The following ANGPTL3 variants were observed in gnomAD, a reference collection of about 807,000 sequenced individuals.
ANGPTL3 encodes the protein angiopoietin-related protein 3.
A neutral mutation model predicts 52.7 loss-of-function variants in ANGPTL3; 51 were observed. The ratio of observed to expected loss-of-function variants is 0.97; its 90% CI spans 0.77 to 1.22. The LOEUF is 1.22. Among genes scored for constraint, ANGPTL3 ranks in the 50% most tolerant of loss-of-function variants. The pLI is 0.00. For missense variants in ANGPTL3, 506 were observed against 520.7 expected (o/e 0.97, Z 0.27); for synonymous variants, 185 against 179.8 (o/e 1.03, Z -0.23).
At position 62,605,804 on chromosome 1, in the gene ANGPTL3, T is replaced by C. The variant is rs1349878930; in HGVS notation, c.*987T>C. 6.6e-6 allele frequency: 1 copy of C among 152,160 alleles called. No homozygotes were observed. The highest frequency in any genetic ancestry group is 2.4e-5 in the African/African-American group (1 of 41,440). 9.4% of individuals were successfully genotyped at this position (152,160 alleles called of 1,614,324 possible). A position where few individuals can be genotyped will look rare whatever the true frequency, so the allele number is the denominator to read the frequency against. ...CCCTAAATTATAGAAATTTAAATTA[T>C]TCTTGCATGTTTATCGACATCACAA... On this transcript the variant is annotated 3_prime_UTR_variant, in exon 7 of 7. Coordinates refer to ENST00000371129, the MANE Select transcript of ANGPTL3 (RefSeq NM_014495.4).
chr1:62,601,137 G>C lies in ANGPTL3; in HGVS notation c.662G>C (p.Arg221Thr). The C allele has an allele frequency of 6.2e-7, 1 of 1,610,958 alleles. No homozygotes were observed. The highest frequency in any genetic ancestry group is 1.1e-5 in the South Asian group (1 of 90,982). ...GAAATTTCTCTATCTTCCAAGCCAA[G>C]AGCACCAAGAACTACTCCCTTTCTT... ...PTEISLSSKP[R>T]APRTTPFLQL... Residue 221 changes from arginine to threonine, a missense_variant, in exon 3 of 7, where the codon AGA becomes ACA. Arg to Thr is a moderately conservative substitution (Grantham distance 71). Coordinates refer to ENST00000371129, the MANE Select transcript of ANGPTL3 (RefSeq NM_014495.4).
At chr1:62,602,188 C>T (rs1650222831) in intron 4 of ANGPTL3, 97 bp from the exon 5 acceptor site, 2 of 1,007,840 alleles carry the variant, frequency 2.0e-6, no homozygotes, top group Non-Finnish European at 3.1e-6. Flanking sequence ...AACTACCTTA[C>T]AAAACCACCA....
chr1:62,601,060 C>T, intron 2 of ANGPTL3, 22 bp from the exon 3 acceptor site: 1 of 1,397,166 alleles, frequency 7.2e-7, no homozygotes, highest in Non-Finnish European at 1.0e-6. Context: ...TTTTAAAAAA[C>T]AGATTTATAT....
intron 2 of ANGPTL3, among the ~76,000 whole-genome samples, chr1:62,600,190 A>G (rs1649904893): frequency 6.6e-6 from 1 of 151,878 alleles, no homozygotes. Context: ...ATAGTAATAT[A>G]CATTGTGTCT....
intron 2 of ANGPTL3, among the ~76,000 whole-genome samples, chr1:62,599,064 A>G (rs1160319271): frequency 2.0e-5 from 3 of 152,050 alleles, no homozygotes; most frequent in African/African-American, 7.2e-5. Flanking sequence ...TAATAACAGA[A>G]CTTATAGGAT....
intron 6 of ANGPTL3, 29 bp from the exon 7 acceptor site, chr1:62,604,604 C>G: frequency 6.2e-7 from 1 of 1,600,952 alleles, no homozygotes. Context: ...GAGTCTGTAC[C>G]CATTAAATTG....
chr1:62,604,495 A>G, intron 6 of ANGPTL3, 138 bp from the exon 7 acceptor site: 1 of 989,530 alleles, frequency 1.0e-6, no homozygotes, highest in Non-Finnish European at 1.5e-6. Flanking sequence ...GGACTTATAC[A>G]GATTATTTAA....
intron 5 of ANGPTL3, 142 bp downstream of exon 5, chr1:62,602,522 A>G (rs537751506): frequency 1.4e-6 from 1 of 708,228 alleles, no homozygotes; most frequent in Admixed American, 2.1e-5. Flanking sequence ...TCAAACAATT[A>G]CACATTTGTT....
In ANGPTL3 at chr1:62,604,231, T is replaced by C; in HGVS notation, c.1194T>C (p.Tyr398=). Residue 398 remains tyrosine, a synonymous_variant, in exon 6 of 7, where the codon TAT becomes TAC. Transcript: ENST00000371129. ...GACACTTCAACTGTCCAGAGGGTTATTCAGGTATCTTTTTCTGATACCAAT... is the reference window on the plus strand; with the variant it reads ...GACACTTCAACTGTCCAGAGGGTTACTCAGGTATCTTTTTCTGATACCAAT... ...AKGHFNCPEG[Y]SGGWWWHDEC... is the part of the protein sequence containing the mutation. 1 of 1,613,132 alleles carries C rather than the reference T, an allele frequency of 6.2e-7. No homozygotes were observed. The highest frequency in any genetic ancestry group is 8.5e-7 in the Non-Finnish European group (1 of 1,179,260).
intron 2 of ANGPTL3, among the ~76,000 whole-genome samples, 174 bp downstream of exon 2, chr1:62,598,980 CT>C (rs1051566287): frequency 1.3e-5 from 2 of 152,052 alleles, no homozygotes; most frequent in African/African-American, 4.8e-5. Flanking sequence ...AACCATGGCT[CT>C]AAAACTTTGT....
At position 62,605,804 on chromosome 1, in the gene ANGPTL3, T is replaced by G. The variant is rs1349878930; in HGVS notation, c.*987T>G. 2 of 152,160 alleles carry G rather than the reference T, an allele frequency of 1.3e-5. No individual in the cohort carries two copies. The highest frequency in any genetic ancestry group is 2.9e-5 in the Non-Finnish European group (2 of 67,910). The allele number at this position is 152,160 out of a possible 1,614,324, so 9.4% of individuals were successfully genotyped here. On this transcript the variant is annotated 3_prime_UTR_variant, in exon 7 of 7. Coordinates refer to ENST00000371129, the MANE Select transcript of ANGPTL3 (RefSeq NM_014495.4). ...CCCTAAATTATAGAAATTTAAATTA[T>G]TCTTGCATGTTTATCGACATCACAA...
At chr1:62,603,750 T>C (rs1156814624) in intron 5 of ANGPTL3, among the ~76,000 whole-genome samples, 1 of 151,890 alleles carries the variant, frequency 6.6e-6, no homozygotes. Context: ...GAAAGGATAA[T>C]CAGACTTTCA....
rs556074585 is a variant in ANGPTL3, at chr1:62,603,630, T to C, written c.932-339T>C. ...TTAATAAATAGCTGACAGTAAAGTTTATCCATATAAAGACTTGCAAATATT... is the reference window on the plus strand; with the variant it reads ...TTAATAAATAGCTGACAGTAAAGTTCATCCATATAAAGACTTGCAAATATT... On this transcript the variant is annotated intron_variant, in intron 5 of 6. Coordinates refer to ENST00000371129, the MANE Select transcript of ANGPTL3 (RefSeq NM_014495.4). Among the ~76,000 whole-genome samples the C allele has an allele frequency of 2.0e-5, 3 of 151,886 alleles. No homozygotes were observed. The South Asian group carries it at 6.2e-4, about 31-fold the overall frequency.
At chr1:62,598,095 T>A in intron 1 of ANGPTL3, 34 bp downstream of exon 1, 1 of 1,527,256 alleles carries the variant, frequency 6.5e-7, no homozygotes, top group Non-Finnish European at 8.8e-7. Flanking sequence ...CATGTTTATG[T>A]TTTCAATGTG....
chr1:62,601,107 C>CCA lies in ANGPTL3; in HGVS notation c.635_636dup (p.Glu213GlnfsTer20). 1 of 1,607,114 alleles carries CCA rather than the reference C, an allele frequency of 6.2e-7. No homozygotes were observed. Among genetic ancestry groups the CCA allele is most frequent in the Non-Finnish European group, 8.5e-7 (1 of 1,174,314 alleles). On this transcript the variant is annotated frameshift_variant, in exon 3 of 7. Transcript: ENST00000371129. LOFTEE classifies it high-confidence loss of function. ...CTCAGAAGGACTAGTATTCAAGAAC[C>CCA]CACAGAAATTTCTCTATCTTCCAAG...
chr1:62,602,441 C>T (rs1195605231), intron 5 of ANGPTL3, 61 bp downstream of exon 5: 2 of 1,423,802 alleles, frequency 1.4e-6, no homozygotes, highest in African/African-American at 1.4e-5. Flanking sequence ...TACTGAGAAC[C>T]TCTTATGGAC....
At chr1:62,604,267 C>A in intron 6 of ANGPTL3, 32 bp downstream of exon 6, 2 of 1,608,520 alleles carry the variant, frequency 1.2e-6, no homozygotes, top group Non-Finnish European at 1.7e-6. Flanking sequence ...ACTTTATTTT[C>A]ATATCTTCAA....
intron 2 of ANGPTL3, among the ~76,000 whole-genome samples, chr1:62,599,593 A>AT (rs1410600296): frequency 3.3e-5 from 5 of 151,838 alleles, no homozygotes; most frequent in Non-Finnish European, 5.9e-5. Flanking sequence ...GAATACAGGG[A>AT]TTTTTTCCAT....
chr1:62,601,313 C>A, intron 3 of ANGPTL3, 117 bp downstream of exon 3: 1 of 747,334 alleles, frequency 1.3e-6, no homozygotes, highest in Non-Finnish European at 2.3e-6. Context: ...AATGTATCAA[C>A]CTAAACTGGA....
Sources: gnomAD v4.1 joint callset for allele counts (sites outside exome capture counted in the v4.1 genomes callset) on GRCh38, gnomAD v4.1.1 for gene constraint, MANE v1.5 for transcripts, NCBI Gene and HGNC (gene_info 2026-07-23, HGNC 2026-07-21) for gene names.